KIF1B: variants seen among roughly 807,000 people sequenced by gnomAD.
KIF1B encodes the protein kinesin-like protein KIF1B.
KIF1B carries 76 observed loss-of-function variants against 241.9 expected under a neutral mutation model. The ratio of observed to expected loss-of-function variants is 0.31; its 90% CI spans 0.26 to 0.38. The LOEUF is 0.38. Ranked by LOEUF, KIF1B falls within the 10% of genes least tolerant of loss-of-function variation. The probability of loss-of-function intolerance (pLI) is 1.00; values close to 1 mark genes in which losing one functional copy is unlikely to be tolerated. For synonymous variants in KIF1B, 750 were observed against 796.7 expected, an observed-to-expected ratio of 0.94 and a Z score of 0.99; for missense variants, 1,622 against 2,271.4, an observed-to-expected ratio of 0.71 and a Z score of 5.81.
At position 10,261,934 on chromosome 1, in the gene KIF1B, T is replaced by C. The variant is rs763247738; in HGVS notation, c.393T>C (p.Asn131=). Residue 131 remains asparagine, a synonymous_variant, in exon 5 of 49, where the codon AAT becomes AAC. Transcript: ENST00000676179. ...QLCEELFEKI[N]DNCNEEMSYS... The stretch of plus-strand genomic sequence containing the variant: ...GTGAAGAACTTTTTGAGAAAATCAA[T>C]GACAACTGTAATGAAGAAATGTCTT... 14 of 1,612,188 alleles carry C rather than the reference T, an allele frequency of 8.7e-6. No homozygotes were observed. The Admixed American group carries it at 1.0e-4, about 12-fold the overall frequency.
Position 10,324,863 on chromosome 1 carries a change from T to A in KIF1B, c.2643T>A (p.Tyr881Ter), listed in dbSNP as rs1194854818. 6.2e-7 allele frequency: 1 copy of A among 1,614,090 alleles called. No individual in the cohort carries two copies. Among genetic ancestry groups the A allele is most frequent in the Non-Finnish European group, 8.5e-7 (1 of 1,180,050 alleles). The stretch of plus-strand genomic sequence containing the variant: ...CTGTGACTGGCAGCGATCCCTTCTA[T>A]GATCGGTTCCACTGGTTCAAACTTG... ...ETTVTGSDPFYDRFHWFKLVG... is the reference protein window; with the variant it reads ...ETTVTGSDPF Residue 881 changes from tyrosine to a stop codon, truncating the protein, a stop_gained, in exon 26 of 49, where the codon TAT (tyrosine) becomes TAA (stop). Coordinates refer to ENST00000676179, the MANE Select transcript of KIF1B (RefSeq NM_001365951.3). LOFTEE classifies it high-confidence loss of function.
chr1:10,363,229 T>C, intron 40 of KIF1B, 54 bp from the exon 41 acceptor site: 1 of 1,370,540 alleles, frequency 7.3e-7, no homozygotes, highest in Non-Finnish European at 1.0e-6. Context: ...AATTGAAATT[T>C]TCCTGTTTTT....
chr1:10,247,263 T>C (rs1647233687), intron 2 of KIF1B, among the ~76,000 whole-genome samples: 1 of 152,196 alleles, frequency 6.6e-6, no homozygotes, highest in Non-Finnish European at 1.5e-5. Context: ...ATTTGATCAT[T>C]GTTTGCCCAC....
intron 25 of KIF1B, 105 bp from the exon 26 acceptor site, chr1:10,324,653 C>CTTTTT: frequency 8.7e-7 from 1 of 1,145,368 alleles, no homozygotes; most frequent in African/African-American, 1.6e-5. Flanking sequence ...GGAGCAACTC[C>CTTTTT]TTTTTTTTTT....
intron 2 of KIF1B, among the ~76,000 whole-genome samples, chr1:10,252,738 G>A (rs1040084996): frequency 2.6e-5 from 4 of 151,276 alleles, no homozygotes; most frequent in Non-Finnish European, 5.9e-5. Context: ...TTTGTTTTGA[G>A]ATGGAGTTTT....
chr1:10,285,628 G>A (rs1354400169), intron 15 of KIF1B, among the ~76,000 whole-genome samples: 1 of 152,206 alleles, frequency 6.6e-6, no homozygotes, highest in African/African-American at 2.4e-5. Context: ...AGTGTTTTGT[G>A]TTGTCTTGAG....
chr1:10,312,406 C>T (rs1291146005), intron 22 of KIF1B, among the ~76,000 whole-genome samples: 2 of 151,390 alleles, frequency 1.3e-5, no homozygotes, highest in Non-Finnish European at 2.9e-5. Context: ...TTCTTATTTC[C>T]ATAGTTCCTC....
chr1:10,262,030 T>C, intron 5 of KIF1B, 60 bp downstream of exon 5: 1 of 1,125,218 alleles, frequency 8.9e-7, no homozygotes, highest in South Asian at 1.2e-5. Context: ...CAAGCATCAC[T>C]TAAATGGCTC....
intron 33 of KIF1B, among the ~76,000 whole-genome samples, 179 bp from the exon 34 acceptor site, chr1:10,343,053 A>G (rs1652458619): frequency 6.6e-6 from 1 of 152,218 alleles, no homozygotes; most frequent in African/African-American, 2.4e-5. Flanking sequence ...TGCTTTCAGA[A>G]GCTATACATA....
At position 10,378,806 on chromosome 1, in the gene KIF1B, GAA is replaced by G. The variant is rs1352794980; in HGVS notation, c.*2221_*2222del. The G allele has an allele frequency of 7.9e-6, 2 of 252,984 alleles. No individual in the cohort carries two copies. The highest frequency in any genetic ancestry group is 1.5e-5 in the Non-Finnish European group (2 of 129,638). 15.7% of individuals were successfully genotyped at this position (252,984 alleles called of 1,614,324 possible). ...GGAGGAAAAGTGAATCACGGAGAGA[GAA>G]AGGAAAGGATAGAATCACAGGCTGC... On this transcript the variant is annotated 3_prime_UTR_variant, in exon 49 of 49. Transcript: ENST00000676179.
intron 1 of KIF1B, among the ~76,000 whole-genome samples, chr1:10,222,369 G>T (rs1395849180): frequency 6.6e-6 from 1 of 152,154 alleles, no homozygotes; most frequent in Non-Finnish European, 1.5e-5. Flanking sequence ...GCTGAGACAG[G>T]GGAGGTAGGT....
intron 7 of KIF1B, among the ~76,000 whole-genome samples, chr1:10,269,542 G>T (rs1648666542): frequency 6.6e-6 from 1 of 150,566 alleles, no homozygotes; most frequent in African/African-American, 2.5e-5. Context: ...CACTCCTACT[G>T]GGCATGGTGG....
intron 29 of KIF1B, 139 bp from the exon 30 acceptor site, chr1:10,336,935 C>A: frequency 8.2e-7 from 1 of 1,212,564 alleles, no homozygotes; most frequent in Non-Finnish European, 1.2e-6. Context: ...TTATTCATTG[C>A]CTTTCCTCAG....
chr1:10,256,278 T>C lies in KIF1B; in HGVS notation c.138T>C (p.Ala46=), dbSNP rs1259401176. ...TTAACCCAAAGAATCCAAAGGAAGC[T>C]CCAAAGTCCTTCAGCTTCGACTATT... ...SIINPKNPKE[A]PKSFSFDYSY... is the part of the protein sequence containing the mutation. The change falls in exon 3 of 49, where the codon GCT becomes GCC. Residue 46 remains alanine (A), a synonymous_variant. Coordinates refer to ENST00000676179, the MANE Select transcript of KIF1B (RefSeq NM_001365951.3). The C allele has an allele frequency of 6.2e-7, 1 of 1,612,458 alleles. No homozygotes were observed. Among genetic ancestry groups the C allele is most frequent in the Non-Finnish European group, 8.5e-7 (1 of 1,178,464 alleles).
At chr1:10,278,784 G>T (rs557902142) in intron 13 of KIF1B, 12 of 289,764 alleles carry the variant, frequency 4.1e-5, no homozygotes, top group Non-Finnish European at 7.1e-5. Flanking sequence ...TCTCTTAAGT[G>T]AGTAAAATGG....
intron 5 of KIF1B, among the ~76,000 whole-genome samples, chr1:10,265,634 C>G (rs1374628819): frequency 6.6e-6 from 1 of 152,094 alleles, no homozygotes; most frequent in African/African-American, 2.4e-5. Flanking sequence ...TGCTTGAGCC[C>G]AGGAGTTCAA....
intron 2 of KIF1B, among the ~76,000 whole-genome samples, chr1:10,240,591 G>A (rs763576090): frequency 6.6e-5 from 10 of 152,114 alleles, no homozygotes; most frequent in Non-Finnish European, 1.0e-4. Context: ...CATAGAGTTG[G>A]ATGGCTAGAA....
At chr1:10,240,013 G>T (rs1285276100) in intron 2 of KIF1B, among the ~76,000 whole-genome samples, 3 of 152,048 alleles carry the variant, frequency 2.0e-5, no homozygotes, top group African/African-American at 4.8e-5. Context: ...TGATCAGCCT[G>T]CCTCGGCCTC....
intron 31 of KIF1B, 78 bp from the exon 32 acceptor site, chr1:10,339,691 C>T: frequency 8.6e-7 from 1 of 1,157,814 alleles, no homozygotes; most frequent in Non-Finnish European, 1.3e-6. Context: ...CTGTAGGATC[C>T]ACATTGGGCT....
Sources: gnomAD v4.1 joint callset for allele counts (sites outside exome capture counted in the v4.1 genomes callset) on GRCh38, gnomAD v4.1.1 for gene constraint, MANE v1.5 for transcripts, NCBI Gene and HGNC (gene_info 2026-07-23, HGNC 2026-07-21) for gene names.